The following DGKI variants were observed in gnomAD, a reference collection of about 807,000 sequenced individuals.
DGKI encodes DAG kinase iota.
A neutral mutation model predicts 147.5 loss-of-function variants in DGKI; 55 were observed. The observed-to-expected ratio is 0.37, with a 90% confidence interval of 0.30 to 0.47. DGKI has a LOEUF of 0.47. Among genes scored for constraint, DGKI ranks in the 20% least tolerant of loss-of-function variants. DGKI has a pLI of 1.00. For synonymous variants in DGKI, 469 were observed against 477.1 expected, an observed-to-expected ratio of 0.98 and a Z score of 0.22; for missense variants, 1,007 against 1,323.8, an observed-to-expected ratio of 0.76 and a Z score of 3.71.
chr7:137,718,593 G>A (rs887315413), intron 1 of DGKI, among the ~76,000 whole-genome samples: 1 of 152,196 alleles, frequency 6.6e-6, no homozygotes, highest in Non-Finnish European at 1.5e-5. Flanking sequence ...AAAAGAACAA[G>A]AGACTTGCTG....
intron 1 of DGKI, among the ~76,000 whole-genome samples, chr7:137,791,324 T>A (rs975520187): frequency 5.9e-5 from 9 of 152,222 alleles, no homozygotes; most frequent in African/African-American, 2.2e-4. Context: ...CTTTCTTAAA[T>A]GTGCCTGATT....
At chr7:137,457,508 G>A (rs985527789) in intron 27 of DGKI, among the ~76,000 whole-genome samples, 1 of 152,166 alleles carries the variant, frequency 6.6e-6, no homozygotes, top group Admixed American at 6.5e-5. Flanking sequence ...GAATGATGTT[G>A]TTTCTCCCAT....
rs79828343 is a variant in DGKI at position 137,729,284 on chromosome 7, T to C, written c.402-39282A>G. On this transcript the variant is annotated intron_variant, in intron 1 of 32. Transcript: ENST00000614521. Reference sequence around the variant, plus strand: ...AAAACTCAGTTTTCTCACTTTTCTTTGCACCATGTGCAACTTCTCTTACTC... The same window carrying C: ...AAAACTCAGTTTTCTCACTTTTCTTCGCACCATGTGCAACTTCTCTTACTC... 7.4e-3 allele frequency among the ~76,000 whole-genome samples: 1,126 copies of C among 152,284 alleles called. 5 individuals are homozygous for C. The highest frequency in any genetic ancestry group is 0.012 in the Non-Finnish European group (834 of 68,014).
chr7:137,777,989 C>T (rs957705266), intron 1 of DGKI, among the ~76,000 whole-genome samples: 5 of 152,148 alleles, frequency 3.3e-5, no homozygotes, highest in South Asian at 2.1e-4. Flanking sequence ...GAATACTAGG[C>T]GATTGGCAAT....
At chr7:137,794,796 C>T (rs2116938349) in intron 1 of DGKI, among the ~76,000 whole-genome samples, 1 of 152,304 alleles carries the variant, frequency 6.6e-6, no homozygotes, top group East Asian at 1.9e-4. Flanking sequence ...CCACCAACAT[C>T]CTCATTTCAT....
At chr7:137,644,141 G>A (rs994400098) in intron 6 of DGKI, among the ~76,000 whole-genome samples, 1 of 152,218 alleles carries the variant, frequency 6.6e-6, no homozygotes, top group Non-Finnish European at 1.5e-5. Context: ...AAGGTCATGT[G>A]AGAGTAGAGG....
intron 19 of DGKI, among the ~76,000 whole-genome samples, chr7:137,556,662 G>A (rs564963702): frequency 6.6e-6 from 1 of 152,182 alleles, no homozygotes; most frequent in Non-Finnish European, 1.5e-5. Flanking sequence ...ATTGAAAGAT[G>A]TAAGGGAAGA....
chr7:137,495,290 A>G (rs1815920095), intron 21 of DGKI, among the ~76,000 whole-genome samples: 1 of 151,920 alleles, frequency 6.6e-6, no homozygotes, highest in Non-Finnish European at 1.5e-5. Context: ...CCAAAACAGA[A>G]TCAGTAATAA....
intron 1 of DGKI, among the ~76,000 whole-genome samples, chr7:137,715,346 A>T (rs1466569409): frequency 6.6e-6 from 1 of 152,348 alleles, no homozygotes; most frequent in South Asian, 2.1e-4. Context: ...CTACAAAATT[A>T]GAAGCTCTGA....
At chr7:137,656,325 G>C (rs1452681679) in intron 4 of DGKI, 141 bp downstream of exon 4, 1 of 809,832 alleles carries the variant, frequency 1.2e-6, no homozygotes, top group Non-Finnish European at 2.0e-6. Flanking sequence ...CTTTCCATTA[G>C]TAATCTGGTA....
At chr7:137,632,295 C>T (rs1017384429) in intron 6 of DGKI, among the ~76,000 whole-genome samples, 6 of 152,152 alleles carry the variant, frequency 3.9e-5, no homozygotes, top group African/African-American at 9.7e-5. Context: ...CTCTGTTTCT[C>T]GACCTAAGCT....
At chr7:137,819,853 G>GT (rs1225452768) in intron 1 of DGKI, among the ~76,000 whole-genome samples, 1 of 152,144 alleles carries the variant, frequency 6.6e-6, no homozygotes, top group Non-Finnish European at 1.5e-5. Context: ...AATACACCAT[G>GT]TTTTTTCAAA....
intron 5 of DGKI, among the ~76,000 whole-genome samples, chr7:137,652,624 G>A (rs536494934): frequency 1.3e-5 from 2 of 152,106 alleles, no homozygotes; most frequent in Non-Finnish European, 2.9e-5. Flanking sequence ...CCCTGCGCAT[G>A]GCCCACAACC....
At chr7:137,741,835 TATC>T (rs1351264186) in intron 1 of DGKI, among the ~76,000 whole-genome samples, 1 of 152,210 alleles carries the variant, frequency 6.6e-6, no homozygotes, top group African/African-American at 2.4e-5. Flanking sequence ...TCAACAAGAA[TATC>T]ATCTCTTGAT....
intron 21 of DGKI, 134 bp from the exon 22 acceptor site, chr7:137,487,823 G>T (rs1457344284): frequency 2.6e-6 from 2 of 759,324 alleles, no homozygotes; most frequent in Non-Finnish European, 4.3e-6. Flanking sequence ...TAAAAAGAAA[G>T]AAGTACTTTC....
chr7:137,686,304 A>C lies in DGKI; in HGVS notation c.510+3590T>G, dbSNP rs546992792. ...AAAATCTCTAGAGGAAATAATTTTC[A>C]TACTGGGTAGAGCCCAGTGTCCACT... On this transcript the variant is annotated intron_variant, in intron 2 of 32. Transcript: ENST00000614521. Among the ~76,000 whole-genome samples, 13 of 152,344 alleles carry C rather than the reference A, an allele frequency of 8.5e-5. No homozygotes were observed. The South Asian group carries it at 1.7e-3, about 19-fold the overall frequency.
intron 1 of DGKI, among the ~76,000 whole-genome samples, chr7:137,791,538 T>C (rs1274130967): frequency 6.6e-6 from 1 of 152,214 alleles, no homozygotes; most frequent in Non-Finnish European, 1.5e-5. Flanking sequence ...CTTTTTCAGG[T>C]AGAGCTATGT....
chr7:137,522,238 T>A (rs976142512), intron 20 of DGKI, among the ~76,000 whole-genome samples: 6 of 152,104 alleles, frequency 3.9e-5, no homozygotes, highest in African/African-American at 1.2e-4. Context: ...ATTGATTTTT[T>A]AAAACATTTA....
chr7:137,838,285 T>G (rs1291098052), intron 1 of DGKI, among the ~76,000 whole-genome samples: 1 of 152,136 alleles, frequency 6.6e-6, no homozygotes, highest in Non-Finnish European at 1.5e-5. Context: ...TTACAGGCTC[T>G]TCCTTCAAAA....
Sources: allele counts gnomAD v4.1 joint callset (sites outside exome capture counted in the v4.1 genomes callset), GRCh38; gene constraint gnomAD v4.1.1; transcripts MANE v1.5; gene names NCBI Gene and HGNC (gene_info 2026-07-23, HGNC 2026-07-21).